Variants in EPHA3 observed in about 807,000 individuals in gnomAD.
EPHA3 encodes EPH receptor A3, also known as ephrin type-A receptor 3.
Under a neutral mutation model 107.1 loss-of-function variants are expected in EPHA3, and 42 were observed. The ratio of observed to expected loss-of-function variants is 0.39; its 90% CI spans 0.31 to 0.51. The LOEUF is 0.51. Ranked by LOEUF, EPHA3 falls within the 20% of genes least tolerant of loss-of-function variation. The probability of loss-of-function intolerance (pLI) is 0.78; values close to 1 mark genes in which losing one functional copy is unlikely to be tolerated. For missense variants in EPHA3, 1,183 were observed against 1,211.2 expected, an observed-to-expected ratio of 0.98 and a Z score of 0.35; for synonymous variants, 461 against 424.8, an observed-to-expected ratio of 1.09 and a Z score of -1.05.
chr3:89,369,784 T>G (rs1432667994), intron 5 of EPHA3, among the ~76,000 whole-genome samples: 13 of 149,152 alleles, frequency 8.7e-5, no homozygotes, highest in Non-Finnish European at 1.5e-5. Flanking sequence ...ATCCAGAATC[T>G]ACAATGAACT....
chr3:89,193,114 T>A (rs548858431), intron 2 of EPHA3, among the ~76,000 whole-genome samples: 3 of 152,202 alleles, frequency 2.0e-5, no homozygotes, highest in Admixed American at 1.3e-4. Context: ...TACATAAATA[T>A]AATATTTGAA....
At chr3:89,166,362 GCACT>G (rs1486290199) in intron 2 of EPHA3, among the ~76,000 whole-genome samples, 1 of 152,110 alleles carries the variant, frequency 6.6e-6, no homozygotes, top group Non-Finnish European at 1.5e-5. Context: ...TTGAACAGAA[GCACT>G]CACTCTACAC....
intron 3 of EPHA3, among the ~76,000 whole-genome samples, chr3:89,328,378 G>A (rs756152180): frequency 2.6e-5 from 4 of 152,126 alleles, no homozygotes; most frequent in South Asian, 4.1e-4. Context: ...TCCTAATAAA[G>A]TTTCTTTGCA....
intron 3 of EPHA3, among the ~76,000 whole-genome samples, chr3:89,317,530 C>T (rs1706936926): frequency 1.3e-5 from 2 of 151,766 alleles, no homozygotes; most frequent in Non-Finnish European, 2.9e-5. Context: ...GTCTTAATCT[C>T]TATCTATACC....
chr3:89,269,343 A>G (rs1705609533), intron 3 of EPHA3, among the ~76,000 whole-genome samples: 1 of 152,138 alleles, frequency 6.6e-6, no homozygotes, highest in African/African-American at 2.4e-5. Flanking sequence ...TAGCATTGAT[A>G]TCATCTGAGA....
chr3:89,273,881 T>C (rs2107302585), intron 3 of EPHA3, among the ~76,000 whole-genome samples: 1 of 152,098 alleles, frequency 6.6e-6, no homozygotes, highest in South Asian at 2.1e-4. Flanking sequence ...TTAGGAACAC[T>C]GGCTGACATT....
intron 5 of EPHA3, 80 bp downstream of exon 5, chr3:89,342,170 G>C (rs995583086): frequency 7.6e-7 from 1 of 1,311,130 alleles, no homozygotes; most frequent in African/African-American, 1.5e-5. Flanking sequence ...AAAACTGGGC[G>C]GAAGGAAAAA....
chr3:89,283,362 G>T (rs1008902230), intron 3 of EPHA3, among the ~76,000 whole-genome samples: 4 of 151,900 alleles, frequency 2.6e-5, no homozygotes, highest in African/African-American at 4.8e-5. Flanking sequence ...GGCTGGTGAG[G>T]GAATATGGTG....
At chr3:89,228,852 T>C (rs959141429) in intron 3 of EPHA3, among the ~76,000 whole-genome samples, 8 of 152,034 alleles carry the variant, frequency 5.3e-5, no homozygotes, top group Middle Eastern at 6.8e-3. Context: ...CAGGCTGAAG[T>C]ACATATAAAC....
intron 7 of EPHA3, among the ~76,000 whole-genome samples, chr3:89,404,450 T>A (rs1576361603): frequency 6.6e-6 from 1 of 152,180 alleles, no homozygotes; most frequent in Admixed American, 6.5e-5. Flanking sequence ...GAATGAACTC[T>A]GAATCACTCT....
intron 15 of EPHA3, among the ~76,000 whole-genome samples, chr3:89,459,491 C>T (rs865941058): frequency 2.2e-4 from 28 of 126,304 alleles, no homozygotes; most frequent in African/African-American, 8.0e-4. Flanking sequence ...CCTTCCTTCT[C>T]TCCTTCCTTC....
At chr3:89,256,500 G>A (rs1474908823) in intron 3 of EPHA3, among the ~76,000 whole-genome samples, 1 of 152,042 alleles carries the variant, frequency 6.6e-6, no homozygotes, top group Non-Finnish European at 1.5e-5. Flanking sequence ...GGACTCAGAG[G>A]TTGCATTGAG....
At chr3:89,259,152 ATTAC>A (rs1425106190) in intron 3 of EPHA3, among the ~76,000 whole-genome samples, 3 of 152,158 alleles carry the variant, frequency 2.0e-5, no homozygotes, top group Non-Finnish European at 4.4e-5. Context: ...TATTTTTTAA[ATTAC>A]TTGCAAGAGT....
intron 3 of EPHA3, among the ~76,000 whole-genome samples, chr3:89,309,510 A>G (rs1477104689): frequency 6.6e-6 from 1 of 152,070 alleles, no homozygotes; most frequent in African/African-American, 2.4e-5. Context: ...GAGATGTTCT[A>G]TTATTTCTGC....
intron 3 of EPHA3, among the ~76,000 whole-genome samples, chr3:89,227,034 A>T (rs927338478): frequency 1.5e-4 from 23 of 152,068 alleles, no homozygotes; most frequent in Non-Finnish European, 2.1e-4. Context: ...AAATTTGGTT[A>T]AACATAGTCA....
At chr3:89,157,400 T>C (rs1704830712) in intron 2 of EPHA3, among the ~76,000 whole-genome samples, 2 of 152,042 alleles carry the variant, frequency 1.3e-5, no homozygotes, top group Admixed American at 6.6e-5. Context: ...TCAGCTGTTA[T>C]CCATAACACC....
intron 2 of EPHA3, among the ~76,000 whole-genome samples, chr3:89,149,527 C>T (rs1001273032): frequency 5.3e-5 from 8 of 151,810 alleles, no homozygotes; most frequent in African/African-American, 1.9e-4. Context: ...GGTACATGTG[C>T]ACAACATGCA....
chr3:89,427,541 G>C (rs1276157676), intron 11 of EPHA3, among the ~76,000 whole-genome samples: 1 of 151,930 alleles, frequency 6.6e-6, no homozygotes, highest in African/African-American at 2.4e-5. Flanking sequence ...CACGTCTTCT[G>C]GACTTGGAAA....
At position 89,353,727 on chromosome 3, in the gene EPHA3, G is replaced by T. The variant is rs1309010507; in HGVS notation, c.1306+11637G>T. 1.3e-5 allele frequency among the ~76,000 whole-genome samples: 2 copies of T among 151,176 alleles called. 1 individual carries two copies. On this transcript the variant is annotated intron_variant, in intron 5 of 16. Coordinates refer to ENST00000336596, the MANE Select transcript of EPHA3 (RefSeq NM_005233.6). ...GGCACATTGCGTAACTGTAGAATGA[G>T]CAATAAGCTGTAGCAAAAGCAAAAA...
Sources: allele counts gnomAD v4.1 joint callset (sites outside exome capture counted in the v4.1 genomes callset), GRCh38; gene constraint gnomAD v4.1.1; transcripts MANE v1.5; gene names NCBI Gene and HGNC (gene_info 2026-07-23, HGNC 2026-07-21).